ARF3: variants seen among roughly 807,000 people sequenced by gnomAD.
ARF3 encodes the protein ARF GTPase 3.
In ARF3, 5 loss-of-function variants were observed where a neutral mutation model predicts 19.3. The observed-to-expected ratio is 0.26, with a 90% CI of 0.14 to 0.54. The LOEUF (loss-of-function observed/expected upper bound fraction) is 0.54. Among genes scored for constraint, ARF3 ranks in the 20% least tolerant of loss-of-function variants. The pLI, the probability that ARF3 is intolerant of heterozygous loss-of-function variation, is 0.95. For synonymous variants in ARF3, 71 were observed against 89.2 expected (o/e 0.80, Z 1.15); for missense variants, 77 against 234.2 (o/e 0.33, Z 4.38).
At position 48,952,382 on chromosome 12, in the gene ARF3, G is replaced by C. The variant is rs137885974; in HGVS notation, c.-94+4928C>G. Among the ~76,000 whole-genome samples the C allele has an allele frequency of 2.9e-3, 447 of 152,300 alleles. 5 individuals are homozygous for C. Among genetic ancestry groups the C allele is most frequent in the African/African-American group, 0.01 (423 of 41,556 alleles). On this transcript the variant is annotated intron_variant, in intron 1 of 4. Coordinates refer to ENST00000256682, the MANE Select transcript of ARF3 (RefSeq NM_001659.3). ...TAAAACAGTGACAAGATAAAAACTA[G>C]ACTCATTTGTTTCTTTGGAACATTC... is the stretch of plus-strand genomic sequence containing the variant.
intron 1 of ARF3, among the ~76,000 whole-genome samples, chr12:48,943,221 C>T (rs1304806179): frequency 2.0e-5 from 3 of 152,134 alleles, no homozygotes; most frequent in South Asian, 2.1e-4. Context: ...CAGCCATTGC[C>T]CCAACAGACA....
At chr12:48,955,150 A>C (rs1940539647) in intron 1 of ARF3, among the ~76,000 whole-genome samples, 1 of 152,214 alleles carries the variant, frequency 6.6e-6, no homozygotes, top group Non-Finnish European at 1.5e-5. Flanking sequence ...ACTCTAGTGT[A>C]AAAGAGTAGG....
At chr12:48,947,227 G>T (rs4760668) in intron 1 of ARF3, among the ~76,000 whole-genome samples, 49,523 of 151,378 alleles carry the variant, frequency 0.33, 9,092 homozygotes, top group Admixed American at 0.47. Flanking sequence ...GATGATATCT[G>T]AACTATTTCG....
chr12:48,938,938 G>A lies in ARF3; in HGVS notation c.*9C>T. ...GTGGGTGGGGTGCTTTGTTAGGGCT[G>A]TCTGGCTTTCACTTCTTGTTTTTGA... On this transcript the variant is annotated 3_prime_UTR_variant, in exon 5 of 5. Transcript: ENST00000256682. The A allele has an allele frequency of 6.2e-7, 1 of 1,611,476 alleles. No homozygotes were observed. Among genetic ancestry groups the A allele is most frequent in the Non-Finnish European group, 8.5e-7 (1 of 1,179,512 alleles).
intron 1 of ARF3, among the ~76,000 whole-genome samples, chr12:48,952,696 A>G (rs1228905208): frequency 6.6e-6 from 1 of 152,246 alleles, no homozygotes; most frequent in African/African-American, 2.4e-5. Context: ...GACAAGGCCA[A>G]CCATTATACA....
chr12:48,939,793 G>T lies in ARF3; in HGVS notation c.260-14C>A, dbSNP rs769146159. ...CAAATATCAACCCTAGGAAGGCAGAGCATGGGCTGCACTAAGATGACAGGT... is the reference window on the plus strand; with the variant it reads ...CAAATATCAACCCTAGGAAGGCAGATCATGGGCTGCACTAAGATGACAGGT... On this transcript the variant is annotated splice_polypyrimidine_tract_variant and intron_variant, in intron 3 of 4. Coordinates refer to ENST00000256682, the MANE Select transcript of ARF3 (RefSeq NM_001659.3). The surrounding 1 kb of genome is among the most constrained non-coding windows in gnomAD (Gnocchi z 4.8). The T allele has an allele frequency of 1.2e-6, 2 of 1,613,760 alleles. No homozygotes were observed. Among genetic ancestry groups the T allele is most frequent in the African/African-American group, 2.7e-5 (2 of 74,888 alleles).
intron 1 of ARF3, among the ~76,000 whole-genome samples, chr12:48,951,760 TC>T (rs1270141302): frequency 6.6e-6 from 1 of 151,522 alleles, no homozygotes; most frequent in African/African-American, 2.4e-5. Flanking sequence ...ACGCCTGTAA[TC>T]CCAGCTACTC....
intron 1 of ARF3, among the ~76,000 whole-genome samples, chr12:48,952,626 C>G (rs1172498635): frequency 2.0e-5 from 3 of 152,134 alleles, no homozygotes; most frequent in Non-Finnish European, 2.9e-5. Flanking sequence ...TAATCTGGTC[C>G]CATTGTGCAA....
chr12:48,952,606 C>G (rs1371509717), intron 1 of ARF3, among the ~76,000 whole-genome samples: 2 of 152,184 alleles, frequency 1.3e-5, no homozygotes, highest in South Asian at 2.1e-4. Context: ...TCCTAATAAT[C>G]TTCTGCCCCT....
intron 2 of ARF3, 103 bp downstream of exon 2, chr12:48,940,845 T>C (rs1945710870): frequency 1.4e-6 from 2 of 1,388,306 alleles, no homozygotes; most frequent in Non-Finnish European, 9.6e-7. Context: ...ACAAATTGTA[T>C]GGACTTGCCT....
intron 1 of ARF3, among the ~76,000 whole-genome samples, chr12:48,947,954 C>G (rs781636020): frequency 1.1e-4 from 15 of 130,832 alleles, no homozygotes; most frequent in Non-Finnish European, 2.2e-4. Flanking sequence ...ACCTGTAATC[C>G]CAGCACTTTG....
intron 1 of ARF3, among the ~76,000 whole-genome samples, chr12:48,947,795 G>T (rs1358964511): frequency 6.6e-6 from 1 of 152,082 alleles, no homozygotes; most frequent in African/African-American, 2.4e-5. Flanking sequence ...AACACTGAAG[G>T]GTAAAGGGTG....
intron 1 of ARF3, among the ~76,000 whole-genome samples, chr12:48,946,096 T>A (rs1296567201): frequency 2.0e-5 from 3 of 152,192 alleles, no homozygotes; most frequent in Admixed American, 1.3e-4. Flanking sequence ...ACCCACCACG[T>A]CTGGCCATGA....
intron 1 of ARF3, among the ~76,000 whole-genome samples, chr12:48,950,445 C>T (rs191860896): frequency 6.6e-6 from 1 of 152,220 alleles, no homozygotes; most frequent in African/African-American, 2.4e-5. Context: ...CCTCGGCTTC[C>T]CAAAGTTCTG....
intron 1 of ARF3, 139 bp downstream of exon 1, chr12:48,957,171 A>G (rs1940586183): frequency 6.7e-6 from 1 of 148,752 alleles, no homozygotes; most frequent in African/African-American, 2.5e-5. Context: ...ACCCTCTCTG[A>G]GCTCTCGGGT....
At chr12:48,946,679 C>A (rs1940363819) in intron 1 of ARF3, among the ~76,000 whole-genome samples, 1 of 152,246 alleles carries the variant, frequency 6.6e-6, no homozygotes, top group Non-Finnish European at 1.5e-5. Flanking sequence ...TAAGCCTCAT[C>A]TAAGGATATC....
intron 1 of ARF3, among the ~76,000 whole-genome samples, chr12:48,942,401 T>G (rs1019253749): frequency 1.4e-4 from 22 of 152,170 alleles, no homozygotes; most frequent in African/African-American, 5.3e-4. Context: ...ATATTTGCTA[T>G]CACCTCTGCC....
At position 48,957,365 on chromosome 12, in the gene ARF3, G is replaced by C. The variant is rs969850134; in HGVS notation, c.-149C>G. 6.4e-6 allele frequency: 1 copy of C among 155,118 alleles called. No individual in the cohort carries two copies. Among genetic ancestry groups the C allele is most frequent in the Non-Finnish European group, 1.4e-5 (1 of 70,378 alleles). 9.6% of individuals were successfully genotyped at this position (155,118 alleles called of 1,614,324 possible). A position where few individuals can be genotyped will look rare whatever the true frequency, so the allele number is the denominator to read the frequency against. On this transcript the variant is annotated 5_prime_UTR_variant, in exon 1 of 5. Transcript: ENST00000256682. ...CCGCCGCCTCTGCCCCGCAGGTTCC[G>C]CTCCGCTCCCTCTGGCTCCCCAAGC... is the stretch of plus-strand genomic sequence containing the variant.
rs1026646727 is a variant in ARF3, at chr12:48,939,398, G to C, written c.384+257C>G. Among the ~76,000 whole-genome samples the C allele has an allele frequency of 6.6e-6, 1 of 152,164 alleles. No individual in the cohort carries two copies. On this transcript the variant is annotated intron_variant, in intron 4 of 4. Coordinates refer to ENST00000256682, the MANE Select transcript of ARF3 (RefSeq NM_001659.3). This position sits in a 1 kb window ranked among gnomAD's most constrained non-coding sequence, Gnocchi z 4.8. ...ATCAGGTCTGTCTGACAGCAGGAGT[G>C]AGGCCAATTCTCCTAAAGTAGATAA... is the stretch of plus-strand genomic sequence containing the variant.
Sources: gnomAD v4.1 joint callset for allele counts (sites outside exome capture counted in the v4.1 genomes callset) on GRCh38, gnomAD v4.1.1 for gene constraint, Gnocchi (gnomAD v3.1) non-coding constraint, MANE v1.5 for transcripts, NCBI Gene and HGNC (gene_info 2026-07-23, HGNC 2026-07-21) for gene names.